The following FAM168A variants were observed in gnomAD, a reference collection of about 807,000 sequenced individuals.
FAM168A encodes the protein family with sequence similarity 168 member A.
A neutral mutation model predicts 28.5 loss-of-function variants in FAM168A; 3 were observed. The ratio of observed to expected loss-of-function variants is 0.11; its 90% CI spans 0.05 to 0.27. The LOEUF is 0.27. Ranked by LOEUF, FAM168A falls within the 10% of genes least tolerant of loss-of-function variation. The pLI, the probability that FAM168A is intolerant of heterozygous loss-of-function variation, is 1.00. For synonymous variants in FAM168A, 122 were observed against 124.2 expected (o/e 0.98, Z 0.12); for missense variants, 222 against 311.5 (o/e 0.71, Z 2.16).
chr11:73,517,512 T>C (rs904499196), intron 1 of FAM168A, among the ~76,000 whole-genome samples: 7 of 152,154 alleles, frequency 4.6e-5, no homozygotes, highest in Admixed American at 2.6e-4. Context: ...TCTATATTAT[T>C]AACAGTGAAA....
intron 1 of FAM168A, among the ~76,000 whole-genome samples, chr11:73,556,158 A>G (rs1183219612): frequency 0.062 from 3 of 48 alleles, no homozygotes; most frequent in Non-Finnish European, 0.1. Flanking sequence ...AGCCTGGGCA[A>G]CATAAGTGAA....
intron 1 of FAM168A, among the ~76,000 whole-genome samples, chr11:73,506,156 A>G (rs1159838316): frequency 6.6e-6 from 1 of 152,120 alleles, no homozygotes; most frequent in Non-Finnish European, 1.5e-5. Flanking sequence ...AACAAGCCTC[A>G]AATACCAAGA....
At chr11:73,498,095 A>C (rs548446390) in intron 1 of FAM168A, among the ~76,000 whole-genome samples, 11 of 152,318 alleles carry the variant, frequency 7.2e-5, no homozygotes, top group Non-Finnish European at 1.5e-4. Flanking sequence ...CGACTAGTAC[A>C]GCAGCTAAGA....
intron 1 of FAM168A, among the ~76,000 whole-genome samples, chr11:73,568,122 T>A (rs896298479): frequency 3.3e-5 from 5 of 152,152 alleles, no homozygotes; most frequent in Admixed American, 6.6e-5. Context: ...GAGAGGAACA[T>A]CCATGAGTAT....
intron 2 of FAM168A, among the ~76,000 whole-genome samples, chr11:73,436,317 ACTTTAC>A (rs1417495212): frequency 6.6e-6 from 1 of 152,198 alleles, no homozygotes; most frequent in Admixed American, 6.5e-5. Flanking sequence ...TTCTGAAAAT[ACTTTAC>A]CTTTAGGAGC....
At chr11:73,585,043 G>A (rs1944295388) in intron 1 of FAM168A, among the ~76,000 whole-genome samples, 1 of 151,328 alleles carries the variant, frequency 6.6e-6, no homozygotes, top group African/African-American at 2.4e-5. Context: ...AAGAAATCCA[G>A]GCAAATAGCC....
intron 2 of FAM168A, among the ~76,000 whole-genome samples, chr11:73,467,594 C>T (rs996372579): frequency 6.6e-6 from 1 of 152,204 alleles, no homozygotes; most frequent in African/African-American, 2.4e-5. Context: ...CAACTGTTCT[C>T]TTCCTTCTCT....
At chr11:73,556,191 T>A (rs1039933635) in intron 1 of FAM168A, among the ~76,000 whole-genome samples, 65 of 151,712 alleles carry the variant, frequency 4.3e-4, no homozygotes, top group Non-Finnish European at 6.9e-4. Context: ...CCAAAAAAAA[T>A]TTTTTTAATT....
intron 1 of FAM168A, among the ~76,000 whole-genome samples, chr11:73,479,559 C>G (rs1867939976): frequency 6.6e-6 from 1 of 152,194 alleles, no homozygotes; most frequent in African/African-American, 2.4e-5. Context: ...GATTTTATTC[C>G]TGTCCCCATT....
intron 1 of FAM168A, among the ~76,000 whole-genome samples, chr11:73,546,974 T>C (rs1943762652): frequency 6.6e-6 from 1 of 150,726 alleles, no homozygotes; most frequent in Non-Finnish European, 1.5e-5. Context: ...AGAACTTGAA[T>C]AGACATTTCT....
chr11:73,561,565 G>A (rs1450647970), intron 1 of FAM168A, among the ~76,000 whole-genome samples: 1 of 151,874 alleles, frequency 6.6e-6, no homozygotes, highest in Non-Finnish European at 1.5e-5. Flanking sequence ...ATCCCTTGTG[G>A]AATAAATACA....
chr11:73,495,865 G>A (rs1854863416), intron 1 of FAM168A, among the ~76,000 whole-genome samples: 1 of 152,118 alleles, frequency 6.6e-6, no homozygotes, highest in Non-Finnish European at 1.5e-5. Flanking sequence ...ACAATACAGA[G>A]GTTCCTCAAA....
At chr11:73,582,272 A>G (rs1944257354) in intron 1 of FAM168A, among the ~76,000 whole-genome samples, 1 of 151,652 alleles carries the variant, frequency 6.6e-6, no homozygotes, top group Admixed American at 6.6e-5. Context: ...CTGTAATCCC[A>G]GCACTTTGGG....
intron 1 of FAM168A, among the ~76,000 whole-genome samples, chr11:73,518,069 C>T (rs189871712): frequency 4.7e-4 from 71 of 152,354 alleles, no homozygotes; most frequent in African/African-American, 1.4e-3. Context: ...GAAGAAACTA[C>T]ATTTTTAAAC....
intron 1 of FAM168A, among the ~76,000 whole-genome samples, chr11:73,569,686 G>A (rs945940579): frequency 6.6e-6 from 1 of 152,040 alleles, no homozygotes; most frequent in Non-Finnish European, 1.5e-5. Flanking sequence ...GCCGGGCGTG[G>A]TGATGCGCAC....
intron 4 of FAM168A, among the ~76,000 whole-genome samples, chr11:73,413,699 A>G (rs1866653830): frequency 6.6e-6 from 1 of 152,262 alleles, no homozygotes; most frequent in African/African-American, 2.4e-5. Flanking sequence ...AAAGAGTTCT[A>G]TAGTCCCATA....
At chr11:73,555,740 C>T (rs1943882562) in intron 1 of FAM168A, among the ~76,000 whole-genome samples, 1 of 151,580 alleles carries the variant, frequency 6.6e-6, no homozygotes, top group African/African-American at 2.4e-5. Flanking sequence ...GGGCTAAGGG[C>T]TGCAACGTCC....
chr11:73,476,167 C>G (rs1402025469), intron 1 of FAM168A, among the ~76,000 whole-genome samples: 2 of 152,052 alleles, frequency 1.3e-5, no homozygotes, highest in Non-Finnish European at 2.9e-5. Flanking sequence ...TGTAAATTGC[C>G]TGAATTTTGA....
chr11:73,547,288 C>G (rs1943771058), intron 1 of FAM168A, among the ~76,000 whole-genome samples: 2 of 151,114 alleles, frequency 1.3e-5, no homozygotes, highest in Admixed American at 1.3e-4. Flanking sequence ...CAATCCAAAC[C>G]ATAATATCAC....
Sources: allele counts gnomAD v4.1 joint callset (sites outside exome capture counted in the v4.1 genomes callset), GRCh38; gene constraint gnomAD v4.1.1; transcripts MANE v1.5; gene names NCBI Gene and HGNC (gene_info 2026-07-23, HGNC 2026-07-21).